ZFP90: variants seen among roughly 807,000 people sequenced by gnomAD.
The protein encoded by ZFP90 is ZFP90 zinc finger protein, also known as zinc finger protein 90 homolog.
Under a neutral mutation model 60.8 loss-of-function variants are expected in ZFP90, and 38 were observed. The observed-to-expected ratio is 0.62, with a 90% CI of 0.48 to 0.82. The LOEUF (loss-of-function observed/expected upper bound fraction) is 0.82, where lower values mean the gene tolerates loss of function less well. Among genes scored for constraint, ZFP90 ranks in the 40% least tolerant of loss-of-function variants. ZFP90 has a pLI of 0.00. For synonymous variants in ZFP90, 287 were observed against 264.8 expected (o/e 1.08, Z -0.82); for missense variants, 711 against 759.1 (o/e 0.94, Z 0.74).
In ZFP90 at chr16:68,565,505, CAG is replaced by C. The variant is rs750427409; in HGVS notation, c.*809_*810del. The C allele has an allele frequency of 1.5e-5, 15 of 985,542 alleles. No homozygotes were observed. The highest frequency in any genetic ancestry group is 1.8e-5 in the Non-Finnish European group (15 of 829,914). 61.0% of individuals were successfully genotyped at this position (985,542 alleles called of 1,614,324 possible). On this transcript the variant is annotated 3_prime_UTR_variant, in exon 5 of 5. Transcript: ENST00000563169. ...TGGAGGCTTACAAACCACAATTTAA[CAG>C]AAACTGTAGATGGTTGAACTACTAG...
upstream of ZFP90, among the ~76,000 whole-genome samples, chr16:68,537,777 G>A (rs1295578050): frequency 2.0e-5 from 3 of 152,028 alleles, no homozygotes; most frequent in Admixed American, 6.5e-5. Context: ...TGTTGCCCAA[G>A]CTGGTCTTTT....
rs138292736 is a variant in ZFP90, at chr16:68,542,259, G to A, written c.33+2434G>A. On this transcript the variant is annotated intron_variant, in intron 2 of 4. Coordinates refer to ENST00000563169, the MANE Select transcript of ZFP90 (RefSeq NM_001305203.2). The stretch of plus-strand genomic sequence containing the variant: ...TTGAGAGGGACCAGGACATTCTGCC[G>A]GTGGGAAGAAGTCAGTGGAGTTTTC... Among the ~76,000 whole-genome samples the A allele has an allele frequency of 1.1e-3, 175 of 152,216 alleles. 3 individuals carry two copies. In the East Asian group the frequency reaches 0.026, roughly 23 times the overall value.
In ZFP90 at chr16:68,558,012, C is replaced by G. The variant is rs1229477876; in HGVS notation, c.48C>G (p.Phe16Leu). The G allele has an allele frequency of 1.2e-6, 2 of 1,613,638 alleles. No homozygotes were observed. Among genetic ancestry groups the G allele is most frequent in the Non-Finnish European group, 1.7e-6 (2 of 1,179,930 alleles). ...TGATTTTACAGGAATCAGTGACATT[C>G]AAAGATGTGTCTGTGGACTTCACCC... ...PTAAPQESVT[F>L]KDVSVDFTQE... The change falls in exon 3 of 5, where the codon TTC becomes TTG. Residue 16 changes from phenylalanine to leucine, a missense_variant. Transcript: ENST00000563169.
At chr16:68,557,639 G>A (rs2152070278) in intron 2 of ZFP90, among the ~76,000 whole-genome samples, 1 of 151,522 alleles carries the variant, frequency 6.6e-6, no homozygotes, top group African/African-American at 2.4e-5. Flanking sequence ...TGGTTATGGT[G>A]GTGAAAGAAG....
In ZFP90 at chr16:68,565,676, G is replaced by A. The variant is rs912346321; in HGVS notation, c.*978G>A. ...CTTAAGCCTACAGTATCAGATCAAT[G>A]GGAAAACAACAGAAAACTAAGAGGA... On this transcript the variant is annotated 3_prime_UTR_variant, in exon 5 of 5. Coordinates refer to ENST00000563169, the MANE Select transcript of ZFP90 (RefSeq NM_001305203.2). 2 of 985,366 alleles carry A rather than the reference G, an allele frequency of 2.0e-6. No homozygotes were observed. Among genetic ancestry groups the A allele is most frequent in the Non-Finnish European group, 2.4e-6 (2 of 829,904 alleles). 61.0% of individuals were successfully genotyped at this position (985,366 alleles called of 1,614,324 possible). A position where few individuals can be genotyped will look rare whatever the true frequency, so the allele number is the denominator to read the frequency against.
At chr16:68,562,772 A>C in intron 4 of ZFP90, 1 of 638,110 alleles carries the variant, frequency 1.6e-6, no homozygotes, top group Non-Finnish European at 2.7e-6. Context: ...TCTGTGCCTA[A>C]CACAGTCCTG....
chr16:68,546,875 C>G (rs571906165), intron 2 of ZFP90, among the ~76,000 whole-genome samples: 1 of 152,310 alleles, frequency 6.6e-6, no homozygotes, highest in Non-Finnish European at 1.5e-5. Flanking sequence ...CTTCAAGATT[C>G]ATCTAAGTCG....
intron 2 of ZFP90, among the ~76,000 whole-genome samples, chr16:68,555,734 G>C (rs2091332979): frequency 6.6e-6 from 1 of 152,210 alleles, no homozygotes; most frequent in Non-Finnish European, 1.5e-5. Flanking sequence ...TGACTCTCCA[G>C]TGGGGGATCA....
intron 2 of ZFP90, among the ~76,000 whole-genome samples, chr16:68,542,461 G>A (rs2091068996): frequency 6.6e-6 from 1 of 152,058 alleles, no homozygotes; most frequent in African/African-American, 2.4e-5. Context: ...CATGGTGACG[G>A]GCGCCTGTAG....
intron 3 of ZFP90, 67 bp downstream of exon 3, chr16:68,558,191 T>C (rs2091377634): frequency 6.3e-7 from 1 of 1,595,212 alleles, no homozygotes; most frequent in Non-Finnish European, 8.5e-7. Flanking sequence ...GCTATAGTGG[T>C]GGTGCCCAGA....
upstream of ZFP90, among the ~76,000 whole-genome samples, chr16:68,538,050 T>G (rs554275631): frequency 3.3e-5 from 5 of 152,230 alleles, no homozygotes; most frequent in African/African-American, 1.2e-4. Context: ...GTAGCTGGGA[T>G]TACAGGCATG....
At chr16:68,557,259 C>T (rs757418136) in intron 2 of ZFP90, 15 of 455,966 alleles carry the variant, frequency 3.3e-5, no homozygotes, top group South Asian at 9.3e-5. Context: ...AGCGTTCTGC[C>T]GGCCTTGACC....
rs1477217304 is a variant in ZFP90, at chr16:68,563,382, C to A, written c.595C>A (p.Leu199Ile). 2 of 1,613,816 alleles carry A rather than the reference C, an allele frequency of 1.2e-6. No homozygotes were observed. The highest frequency in any genetic ancestry group is 1.7e-6 in the Non-Finnish European group (2 of 1,179,962). Reference protein sequence around the residue: ...GSNLGHNADLLNENNILAKKK... With the variant: ...GSNLGHNADLINENNILAKKK... ...CAATTTGGGACATAATGCAGACTTA[C>A]TTAATGAGAATAATATTCTTGCAAA... The change falls in exon 5 of 5, where the codon CTT (leucine) becomes ATT (isoleucine). Residue 199 changes from leucine to isoleucine, a missense_variant. Transcript: ENST00000563169.
At position 68,563,773 on chromosome 16, in the gene ZFP90, A is replaced by G; in HGVS notation, c.986A>G (p.Gln329Arg). Residue 329 changes from glutamine to arginine, a missense_variant, in exon 5 of 5, where the codon CAG (glutamine) becomes CGG (arginine). Transcript: ENST00000563169. ...FQRSSSLVQH[Q>R]RIHTGEKPYR... The stretch of plus-strand genomic sequence containing the variant: ...CGCAGCTCCTCCCTTGTTCAACACC[A>G]GCGAATTCACACTGGAGAGAAACCC... 3 of 1,614,156 alleles carry G rather than the reference A, an allele frequency of 1.9e-6. No homozygotes were observed. The highest frequency in any genetic ancestry group is 4.5e-5 in the East Asian group (2 of 44,888).
At chr16:68,551,526 A>G (rs2091261853) in intron 2 of ZFP90, among the ~76,000 whole-genome samples, 1 of 149,518 alleles carries the variant, frequency 6.7e-6, no homozygotes, top group Non-Finnish European at 1.5e-5. Flanking sequence ...GGTTCAAGCA[A>G]TTCTCCCTGC....
chr16:68,565,770 T>C lies in ZFP90; in HGVS notation c.*1072T>C. 2 of 985,514 alleles carry C rather than the reference T, an allele frequency of 2.0e-6. No homozygotes were observed. The highest frequency in any genetic ancestry group is 2.4e-6 in the Non-Finnish European group (2 of 829,916). 61.0% of individuals were successfully genotyped at this position (985,514 alleles called of 1,614,324 possible). A position where few individuals can be genotyped will look rare whatever the true frequency, so the allele number is the denominator to read the frequency against. On this transcript the variant is annotated 3_prime_UTR_variant, in exon 5 of 5. Coordinates refer to ENST00000563169, the MANE Select transcript of ZFP90 (RefSeq NM_001305203.2). ...GCCCATTGCCATAAATTTTGCCTTG[T>C]ACTCAGAGAAGCAACATGCACTGGC...
At chr16:68,543,494 T>C (rs896195651) in intron 2 of ZFP90, among the ~76,000 whole-genome samples, 5 of 152,090 alleles carry the variant, frequency 3.3e-5, no homozygotes, top group Admixed American at 1.3e-4. Context: ...TACGTAGATA[T>C]AGCTGTGTAT....
rs2091385384 is a variant in ZFP90, at chr16:68,558,586, A to G, written c.256+18A>G. On this transcript the variant is annotated intron_variant, in intron 4 of 4. Coordinates refer to ENST00000563169, the MANE Select transcript of ZFP90 (RefSeq NM_001305203.2). ...CTATCCAGGTAAATGAGTGAGAGTCAGGCATTAGGAATGAATGCAGTTAAT... is the reference window on the plus strand; with the variant it reads ...CTATCCAGGTAAATGAGTGAGAGTCGGGCATTAGGAATGAATGCAGTTAAT... 1 of 1,604,638 alleles carries G rather than the reference A, an allele frequency of 6.2e-7. No individual in the cohort carries two copies. The highest frequency in any genetic ancestry group is 1.1e-5 in the South Asian group (1 of 90,788).
Position 68,558,049 on chromosome 16 carries a change from T to G in ZFP90, c.85T>G (p.Tyr29Asp). 3 of 1,613,898 alleles carry G rather than the reference T, an allele frequency of 1.9e-6. No individual in the cohort carries two copies. Among genetic ancestry groups the G allele is most frequent in the South Asian group, 1.1e-5 (1 of 91,060 alleles). The change falls in exon 3 of 5, where the codon TAC (tyrosine) becomes GAC (aspartate). Residue 29 changes from tyrosine to aspartate, a missense_variant. By Grantham distance (160) the Tyr-to-Asp change is radical. Coordinates refer to ENST00000563169, the MANE Select transcript of ZFP90 (RefSeq NM_001305203.2). ...TGTGGACTTCACCCAGGAAGAATGG[T>G]ACCATGTCGACCCTGCTCAGAGGAG... Reference protein sequence around the residue: ...VSVDFTQEEWYHVDPAQRSLY... With the variant: ...VSVDFTQEEWDHVDPAQRSLY...
Sources: gnomAD v4.1 joint callset for allele counts (sites outside exome capture counted in the v4.1 genomes callset) on GRCh38, gnomAD v4.1.1 for gene constraint, MANE v1.5 for transcripts, NCBI Gene and HGNC (gene_info 2026-07-23, HGNC 2026-07-21) for gene names.